The following TESK2 variants were observed in gnomAD, a reference collection of about 807,000 sequenced individuals.
TESK2 encodes dual specificity testis-specific protein kinase 2.
A neutral mutation model predicts 57.1 loss-of-function variants in TESK2; 39 were observed. The observed-to-expected ratio is 0.68, with a 90% CI of 0.53 to 0.89. The LOEUF is 0.89. Among genes scored for constraint, TESK2 ranks in the 40% least tolerant of loss-of-function variants. The probability of loss-of-function intolerance (pLI) is 0.00; values close to 1 mark genes in which losing one functional copy is unlikely to be tolerated. For missense variants in TESK2, 646 were observed against 732.1 expected, an observed-to-expected ratio of 0.88 and a Z score of 1.36; for synonymous variants, 249 against 267.9, an observed-to-expected ratio of 0.93 and a Z score of 0.69.
intron 3 of TESK2, among the ~76,000 whole-genome samples, chr1:45,420,844 T>A (rs1342450205): frequency 6.6e-6 from 1 of 152,120 alleles, no homozygotes; most frequent in African/African-American, 2.4e-5. Context: ...TGCCTCGGCC[T>A]CCCAAAGTGC....
At chr1:45,445,624 C>CAAA (rs747691865) in intron 2 of TESK2, among the ~76,000 whole-genome samples, 2 of 108,096 alleles carry the variant, frequency 1.9e-5, no homozygotes, top group Non-Finnish European at 3.7e-5. Flanking sequence ...CTGTCTCTAC[C>CAAA]AAAAAAAAAA....
intron 1 of TESK2, among the ~76,000 whole-genome samples, chr1:45,477,538 C>T (rs778962899): frequency 7.2e-5 from 11 of 151,904 alleles, no homozygotes; most frequent in Non-Finnish European, 1.6e-4. Context: ...GGGAGAATCA[C>T]TTGAACCTGG....
chr1:45,380,249 C>T (rs1205527413), intron 4 of TESK2, among the ~76,000 whole-genome samples: 1 of 152,146 alleles, frequency 6.6e-6, no homozygotes, highest in East Asian at 1.9e-4. Flanking sequence ...CCAAAACATC[C>T]TGCTCACCAA....
chr1:45,386,323 G>A (rs2149274983), intron 3 of TESK2, among the ~76,000 whole-genome samples: 1 of 145,148 alleles, frequency 6.9e-6, no homozygotes, highest in African/African-American at 2.5e-5. Context: ...CCAGCCTAGG[G>A]GACAAGAGCG....
intron 10 of TESK2, 140 bp downstream of exon 10, chr1:45,345,737 G>C: frequency 1.1e-6 from 1 of 901,522 alleles, no homozygotes; most frequent in Non-Finnish European, 1.7e-6. Context: ...AAAAAGGCCA[G>C]TACTTTCTGC....
rs1337990761 is a variant in TESK2 at position 45,457,596 on chromosome 1, T to C, written c.190A>G (p.Ile64Val). 6.2e-7 allele frequency: 1 copy of C among 1,614,032 alleles called. No individual in the cohort carries two copies. Among genetic ancestry groups the C allele is most frequent in the East Asian group, 2.2e-5 (1 of 44,880 alleles). Residue 64 changes from isoleucine to valine, a missense_variant, in exon 2 of 11, where the codon ATA becomes GTA. Coordinates refer to ENST00000372086, the MANE Select transcript of TESK2 (RefSeq NM_007170.3). ...ACTTCAGAAAAGAAGCCAGACCCTATTTTTTCACAGGTGAAATCATCCAAA... is the reference window on the plus strand; with the variant it reads ...ACTTCAGAAAAGAAGCCAGACCCTACTTTTTCACAGGTGAAATCATCCAAA... ...TRLDDFTCEK[I>V]GSGFFSEVFK...
At chr1:45,474,143 G>A (rs1652879995) in intron 1 of TESK2, among the ~76,000 whole-genome samples, 1 of 152,122 alleles carries the variant, frequency 6.6e-6, no homozygotes, top group African/African-American at 2.4e-5. Context: ...AGACCAGCCT[G>A]GCCAACATTA....
At chr1:45,447,782 C>A (rs1381737769) in intron 2 of TESK2, among the ~76,000 whole-genome samples, 1 of 152,062 alleles carries the variant, frequency 6.6e-6, no homozygotes, top group Non-Finnish European at 1.5e-5. Flanking sequence ...TAATACATTG[C>A]ACTATGATAT....
At chr1:45,447,182 A>C (rs971816391) in intron 2 of TESK2, among the ~76,000 whole-genome samples, 4 of 152,214 alleles carry the variant, frequency 2.6e-5, no homozygotes, top group Non-Finnish European at 5.9e-5. Context: ...GTGCCACTGC[A>C]CTCCAGACTA....
intron 2 of TESK2, among the ~76,000 whole-genome samples, chr1:45,432,458 G>T (rs71500084): frequency 2.6e-5 from 4 of 151,310 alleles, no homozygotes; most frequent in Non-Finnish European, 4.4e-5. Flanking sequence ...TTTGGAGGCC[G>T]AGGCGGGCAG....
chr1:45,440,259 C>T (rs1403783279), intron 2 of TESK2, among the ~76,000 whole-genome samples: 2 of 151,378 alleles, frequency 1.3e-5, no homozygotes, highest in Non-Finnish European at 2.9e-5. Flanking sequence ...CCAAGGCCCC[C>T]CCAAAAAAAG....
intron 3 of TESK2, among the ~76,000 whole-genome samples, chr1:45,404,829 C>T (rs190465797): frequency 1.4e-3 from 215 of 152,202 alleles, no homozygotes; most frequent in Non-Finnish European, 2.2e-3. Flanking sequence ...AGGCCTGAGC[C>T]ACCACACCAG....
At chr1:45,357,196 CATAAATAAATAA>C (rs59019267) in intron 4 of TESK2, among the ~76,000 whole-genome samples, 29,040 of 141,008 alleles carry the variant, frequency 0.21, 3,098 homozygotes, top group Middle Eastern at 0.27. Flanking sequence ...AACTCCATCT[CATAAATAAATAA>C]ATAAATAAAT....
chr1:45,467,383 C>T (rs1041126197), intron 1 of TESK2, among the ~76,000 whole-genome samples: 2 of 151,784 alleles, frequency 1.3e-5, no homozygotes, highest in Non-Finnish European at 2.9e-5. Flanking sequence ...CTCGCTCTGT[C>T]ACCCAGACTG....
At chr1:45,379,749 A>G (rs986957567) in intron 4 of TESK2, among the ~76,000 whole-genome samples, 1 of 152,220 alleles carries the variant, frequency 6.6e-6, no homozygotes, top group Non-Finnish European at 1.5e-5. Context: ...CATTTCTTTC[A>G]GTACCAAACA....
intron 2 of TESK2, among the ~76,000 whole-genome samples, chr1:45,440,196 T>C (rs1201548387): frequency 6.6e-6 from 1 of 151,810 alleles, no homozygotes; most frequent in African/African-American, 2.4e-5. Flanking sequence ...ATGTGATCTG[T>C]CCGCCTCTGC....
At chr1:45,371,165 T>C (rs1458565163) in intron 4 of TESK2, among the ~76,000 whole-genome samples, 1 of 150,994 alleles carries the variant, frequency 6.6e-6, no homozygotes, top group African/African-American at 2.4e-5. Context: ...GATTGTAAAA[T>C]GGTGCAACTG....
chr1:45,381,384 T>G (rs1336774990), intron 4 of TESK2, among the ~76,000 whole-genome samples: 1 of 152,222 alleles, frequency 6.6e-6, no homozygotes, highest in African/African-American at 2.4e-5. Flanking sequence ...AGCATGTGAC[T>G]TGCTTTGTCC....
At chr1:45,346,903 C>T (rs1647150829) in intron 8 of TESK2, 76 bp downstream of exon 8, 1 of 1,568,310 alleles carries the variant, frequency 6.4e-7, no homozygotes, top group Non-Finnish European at 8.8e-7. Context: ...CCAGCAAGTC[C>T]ATCCCAGGGA....
Sources: allele counts gnomAD v4.1 joint callset (sites outside exome capture counted in the v4.1 genomes callset), GRCh38; gene constraint gnomAD v4.1.1; transcripts MANE v1.5; gene names NCBI Gene and HGNC (gene_info 2026-07-23, HGNC 2026-07-21).